FSTL4: variants seen among roughly 807,000 people sequenced by gnomAD.
The protein encoded by FSTL4 is follistatin-related protein 4.
A neutral mutation model predicts 78.2 loss-of-function variants in FSTL4; 28 were observed. The ratio of observed to expected loss-of-function variants is 0.36; its 90% CI spans 0.27 to 0.49. The LOEUF (loss-of-function observed/expected upper bound fraction) is 0.49. Ranked by LOEUF, FSTL4 falls within the 20% of genes least tolerant of loss-of-function variation. FSTL4 has a pLI of 0.98. For missense variants in FSTL4, 922 were observed against 1,084.9 expected (o/e 0.85, Z 2.11); for synonymous variants, 422 against 440.5 (o/e 0.96, Z 0.53).
chr5:133,591,177 G>A (rs1760618637), intron 2 of FSTL4, among the ~76,000 whole-genome samples: 1 of 152,166 alleles, frequency 6.6e-6, no homozygotes, highest in African/African-American at 2.4e-5. Flanking sequence ...CAGCCTGTCT[G>A]CAGGGACATC....
chr5:133,303,448 G>C (rs556713052), intron 6 of FSTL4, among the ~76,000 whole-genome samples: 13 of 152,350 alleles, frequency 8.5e-5, no homozygotes, highest in African/African-American at 3.1e-4. Flanking sequence ...GCCAGGGACT[G>C]TCTGTCCCCA....
chr5:133,202,852 G>A (rs937145287), intron 14 of FSTL4: 1 of 152,368 alleles, frequency 6.6e-6, no homozygotes, highest in Non-Finnish European at 1.5e-5. Flanking sequence ...GACTTGGCAG[G>A]AGACAAGAGC....
At chr5:133,822,661 G>A in the FSTL4 span, among the ~76,000 whole-genome samples, 6 of 152,250 alleles carry the variant, frequency 3.9e-5, no homozygotes, top group East Asian at 1.9e-4. Flanking sequence ...AAAGGCACAC[G>A]CACCGATGCT....
At chr5:133,691,506 G>C in the FSTL4 span, among the ~76,000 whole-genome samples, 6 of 152,106 alleles carry the variant, frequency 3.9e-5, no homozygotes, top group Non-Finnish European at 8.8e-5. Context: ...TCATTAACTT[G>C]AAGGCGTGGA....
intron 4 of FSTL4, among the ~76,000 whole-genome samples, chr5:133,330,675 C>T (rs1203479417): frequency 6.6e-6 from 1 of 152,082 alleles, no homozygotes; most frequent in Non-Finnish European, 1.5e-5. Context: ...TAGATATATC[C>T]CTCATATCAA....
the FSTL4 span, among the ~76,000 whole-genome samples, chr5:133,666,322 A>T: frequency 5.2e-3 from 791 of 152,290 alleles, 3 homozygotes; most frequent in South Asian, 9.7e-3. Context: ...TAGTTACTTT[A>T]AAAAAATCTA....
At chr5:133,381,404 C>T (rs1365883812) in intron 4 of FSTL4, among the ~76,000 whole-genome samples, 1 of 152,314 alleles carries the variant, frequency 6.6e-6, no homozygotes, top group South Asian at 2.1e-4. Flanking sequence ...GAAAAGAACA[C>T]CCGCAGCATG....
At chr5:133,345,718 G>A (rs1159442244) in intron 4 of FSTL4, among the ~76,000 whole-genome samples, 1 of 152,176 alleles carries the variant, frequency 6.6e-6, no homozygotes, top group South Asian at 2.1e-4. Context: ...AGTTAGAATG[G>A]CGATCATTAA....
chr5:133,407,393 A>G (rs1320455655), intron 3 of FSTL4, among the ~76,000 whole-genome samples: 1 of 152,218 alleles, frequency 6.6e-6, no homozygotes, highest in East Asian at 1.9e-4. Context: ...GGTGATTTCA[A>G]ACTCAACCGG....
intron 2 of FSTL4, among the ~76,000 whole-genome samples, chr5:133,601,764 C>G (rs868859745): frequency 2.0e-5 from 3 of 150,504 alleles, no homozygotes; most frequent in Non-Finnish European, 2.9e-5. Context: ...CTTGTTGCAG[C>G]CTTGACTTCC....
chr5:133,527,071 G>A (rs1394934203), intron 3 of FSTL4, among the ~76,000 whole-genome samples: 1 of 152,100 alleles, frequency 6.6e-6, no homozygotes, highest in Non-Finnish European at 1.5e-5. Context: ...AGGTCTGTGT[G>A]GGTATCTCCA....
At chr5:133,690,068 C>CACAG in the FSTL4 span, among the ~76,000 whole-genome samples, 2 of 149,688 alleles carry the variant, frequency 1.3e-5, no homozygotes, top group African/African-American at 5.0e-5. Flanking sequence ...TTTCAAAACA[C>CACAG]ACAAACAAAC....
chr5:133,226,976 G>T (rs1751353713), intron 8 of FSTL4, among the ~76,000 whole-genome samples: 1 of 152,190 alleles, frequency 6.6e-6, no homozygotes, highest in Non-Finnish European at 1.5e-5. Flanking sequence ...AATGAACTCT[G>T]TAGCTCCTGT....
intron 3 of FSTL4, among the ~76,000 whole-genome samples, chr5:133,522,863 CCT>C (rs1759008189): frequency 6.6e-6 from 1 of 152,172 alleles, no homozygotes; most frequent in Admixed American, 6.5e-5. Flanking sequence ...GTTTTCTAGC[CCT>C]CAAGCACTGA....
rs193051892 is a variant in FSTL4 at position 133,382,675 on chromosome 5, G to A, written c.409+18063C>T. ...CATCCCCTGATGCTGGGGAGCATGG[G>A]TGATCATCTATTTCAGACTGTCTCA... On this transcript the variant is annotated intron_variant, in intron 4 of 15. Coordinates refer to ENST00000265342, the MANE Select transcript of FSTL4 (RefSeq NM_015082.2). Among the ~76,000 whole-genome samples the A allele has an allele frequency of 7.2e-5, 11 of 152,300 alleles. No homozygotes were observed. The East Asian group carries it at 2.1e-3, about 29-fold the overall frequency.
rs138763876 is a variant in FSTL4, at chr5:133,289,076, C to T, written c.727+23578G>A. On this transcript the variant is annotated intron_variant, in intron 6 of 15. Coordinates refer to ENST00000265342, the MANE Select transcript of FSTL4 (RefSeq NM_015082.2). ...TGCCCCTCTTTCATGCAGCATTTCT[C>T]AGGAGCAAGGTCAGATCCCAGCTGC... Among the ~76,000 whole-genome samples, 770 of 152,260 alleles carry T rather than the reference C, an allele frequency of 5.1e-3. 3 individuals are homozygous for T. Among genetic ancestry groups the T allele is most frequent in the East Asian group, 0.024 (122 of 5,164 alleles).
At chr5:133,712,099 G>A in the FSTL4 span, among the ~76,000 whole-genome samples, 1 of 152,166 alleles carries the variant, frequency 6.6e-6, no homozygotes, top group South Asian at 2.1e-4. Flanking sequence ...CAACCAGAAG[G>A]ATGAGCTATC....
chr5:133,329,172 A>T (rs758232590), intron 4 of FSTL4, among the ~76,000 whole-genome samples: 6 of 152,198 alleles, frequency 3.9e-5, no homozygotes, highest in African/African-American at 7.2e-5. Context: ...AGGAGTCTCT[A>T]TAAACGGTCT....
At chr5:133,491,115 A>G (rs907784278) in intron 3 of FSTL4, among the ~76,000 whole-genome samples, 1 of 152,200 alleles carries the variant, frequency 6.6e-6, no homozygotes, top group African/African-American at 2.4e-5. Flanking sequence ...TAAAAATTGG[A>G]AAGAAAAAAA....
Sources: allele counts gnomAD v4.1 joint callset (sites outside exome capture counted in the v4.1 genomes callset), GRCh38; gene constraint gnomAD v4.1.1; transcripts MANE v1.5; gene names NCBI Gene and HGNC (gene_info 2026-07-23, HGNC 2026-07-21).